SLC28A1: variants seen among roughly 807,000 people sequenced by gnomAD.
SLC28A1 encodes solute carrier family 28 member 1.
Under a neutral mutation model 74.8 loss-of-function variants are expected in SLC28A1, and 64 were observed. The observed-to-expected ratio is 0.86, with a 90% CI of 0.70 to 1.05. SLC28A1 has a LOEUF of 1.05. Ranked by LOEUF, SLC28A1 falls within the 50% of genes least tolerant of loss-of-function variation. SLC28A1 has a pLI of 0.00. For missense variants in SLC28A1, 828 were observed against 822.8 expected, an observed-to-expected ratio of 1.01 and a Z score of -0.08; for synonymous variants, 359 against 335.0, an observed-to-expected ratio of 1.07 and a Z score of -0.78.
downstream of SLC28A1, among the ~76,000 whole-genome samples, chr15:84,947,522 G>C (rs181167326): frequency 8.1e-4 from 124 of 152,300 alleles, 2 homozygotes; most frequent in East Asian, 1.5e-3. Context: ...AGTCAGTTTT[G>C]GCTGATAACA....
At chr15:84,964,711 C>A in the SLC28A1 span, among the ~76,000 whole-genome samples, 1 of 152,198 alleles carries the variant, frequency 6.6e-6, no homozygotes, top group African/African-American at 2.4e-5. Context: ...TGCTGAAGTT[C>A]TGGACATTAC....
intron 15 of SLC28A1, among the ~76,000 whole-genome samples, chr15:84,938,733 T>C (rs1972271414): frequency 6.6e-6 from 1 of 151,392 alleles, no homozygotes; most frequent in Admixed American, 6.6e-5. Context: ...TCGTGGTAAG[T>C]TCTATGAAGA....
At chr15:84,897,774 G>A (rs1055439541) in intron 6 of SLC28A1, among the ~76,000 whole-genome samples, 4 of 152,010 alleles carry the variant, frequency 2.6e-5, no homozygotes, top group African/African-American at 7.3e-5. Flanking sequence ...TCAACTACTC[G>A]TCATCCCGCC....
the SLC28A1 span, among the ~76,000 whole-genome samples, chr15:84,959,553 T>C: frequency 6.6e-6 from 1 of 152,174 alleles, no homozygotes; most frequent in East Asian, 1.9e-4. Flanking sequence ...GTTCTTTCTT[T>C]ATAATTTTGT....
At position 84,945,587 on chromosome 15, in the gene SLC28A1, C is replaced by G; in HGVS notation, c.*387C>G. The G allele has an allele frequency of 3.1e-6, 1 of 317,494 alleles. No homozygotes were observed. Among genetic ancestry groups the G allele is most frequent in the Non-Finnish European group, 6.2e-6 (1 of 162,592 alleles). 19.7% of individuals were successfully genotyped at this position (317,494 alleles called of 1,614,324 possible). ...GCACACCAAAGCCTCCTCCCCTCCC[C>G]ACTTCCTAGGCACTAGGATCTCTCT... On this transcript the variant is annotated 3_prime_UTR_variant, in exon 19 of 19. Coordinates refer to ENST00000394573, the MANE Select transcript of SLC28A1 (RefSeq NM_004213.5).
intron 6 of SLC28A1, among the ~76,000 whole-genome samples, chr15:84,897,046 G>C (rs539038495): frequency 2.6e-5 from 4 of 151,922 alleles, no homozygotes; most frequent in Admixed American, 6.6e-5. Flanking sequence ...TATGGTAATG[G>C]TTGCACAAAT....
At chr15:84,940,368 C>CAA (rs113526729) in intron 15 of SLC28A1, 1 of 151,362 alleles carries the variant, frequency 6.6e-6, no homozygotes, top group African/African-American at 2.4e-5. Context: ...TGTAACTATG[C>CAA]AAAAAAAAGG....
chr15:84,963,726 AG>A, the SLC28A1 span, among the ~76,000 whole-genome samples: 2 of 152,194 alleles, frequency 1.3e-5, no homozygotes, highest in African/African-American at 4.8e-5. Flanking sequence ...ATGCAGAGCA[AG>A]TGGGTGGTTA....
intron 15 of SLC28A1, chr15:84,938,499 T>C (rs1224235642): frequency 6.6e-6 from 1 of 152,194 alleles, no homozygotes; most frequent in Non-Finnish European, 1.5e-5. Flanking sequence ...CTGATTTTAG[T>C]ATGTATGCTG....
chr15:84,908,650 G>A (rs1291970980), intron 8 of SLC28A1, 68 bp from the exon 9 acceptor site: 15 of 1,368,834 alleles, frequency 1.1e-5, no homozygotes, highest in East Asian at 4.6e-5. Flanking sequence ...GTCTCTGGCC[G>A]CTGCTTCCTC....
intron 12 of SLC28A1, among the ~76,000 whole-genome samples, chr15:84,928,581 T>TC (rs1970834026): frequency 3.8e-5 from 1 of 26,038 alleles, no homozygotes; most frequent in Non-Finnish European, 6.4e-5. Flanking sequence ...TTTCTTTCTT[T>TC]CTTTCTTTCT....
chr15:84,926,003 C>A (rs1970467168), intron 12 of SLC28A1, among the ~76,000 whole-genome samples: 4 of 149,578 alleles, frequency 2.7e-5, no homozygotes, highest in Admixed American at 2.0e-4. Flanking sequence ...GAAGGCCTAT[C>A]AGTCTATTTA....
chr15:84,969,168 C>T, the SLC28A1 span, among the ~76,000 whole-genome samples: 4 of 152,222 alleles, frequency 2.6e-5, no homozygotes, highest in South Asian at 6.2e-4. Context: ...AGGACAGAAT[C>T]CTTCTCCTTT....
intron 9 of SLC28A1, among the ~76,000 whole-genome samples, chr15:84,915,285 C>T (rs1968926558): frequency 6.6e-6 from 1 of 152,190 alleles, no homozygotes; most frequent in Non-Finnish European, 1.5e-5. Context: ...CAGATACAAC[C>T]TGCAGCATTG....
chr15:84,895,567 C>T (rs1298070685), intron 6 of SLC28A1: 1 of 1,534,594 alleles, frequency 6.5e-7, no homozygotes. Flanking sequence ...CCTTGGACAA[C>T]AGTTTGAGAT....
chr15:84,945,489 A>C lies in SLC28A1; in HGVS notation c.*289A>C. 2.3e-6 allele frequency: 1 copy of C among 432,474 alleles called. No individual in the cohort carries two copies. The highest frequency in any genetic ancestry group is 4.3e-6 in the Non-Finnish European group (1 of 230,846). 26.8% of individuals were successfully genotyped at this position (432,474 alleles called of 1,614,324 possible). A position where few individuals can be genotyped will look rare whatever the true frequency, so the allele number is the denominator to read the frequency against. ...TCCTCCCGTTTCCCCTCCACATCCA[A>C]ACAGCACCCTGGTCCTCTCTATCCC... On this transcript the variant is annotated 3_prime_UTR_variant, in exon 19 of 19. Coordinates refer to ENST00000394573, the MANE Select transcript of SLC28A1 (RefSeq NM_004213.5).
chr15:84,937,350 C>T (rs1972055714), intron 15 of SLC28A1, among the ~76,000 whole-genome samples: 1 of 152,198 alleles, frequency 6.6e-6, no homozygotes, highest in Non-Finnish European at 1.5e-5. Flanking sequence ...CTGACTCCCA[C>T]ATGAGTCTTC....
At chr15:84,928,577 TCTTTCTTTCTTTCTTTCTTTCTTTC>T (rs1567172222) in intron 12 of SLC28A1, among the ~76,000 whole-genome samples, 1,053 of 19,194 alleles carry the variant, frequency 0.055, 194 homozygotes, top group African/African-American at 0.26. Context: ...TTTCTTTCTT[TCTTTCTTTCTTTCTTTCTTTCTTTC>T]TTTTCTTTCT....
chr15:84,909,077 T>C (rs1184118850), intron 9 of SLC28A1, among the ~76,000 whole-genome samples: 1 of 152,162 alleles, frequency 6.6e-6, no homozygotes, highest in African/African-American at 2.4e-5. Context: ...ATAGAATTAC[T>C]GAGTAGCTGA....
Sources: allele counts gnomAD v4.1 joint callset (sites outside exome capture counted in the v4.1 genomes callset), GRCh38; gene constraint gnomAD v4.1.1; transcripts MANE v1.5; gene names NCBI Gene and HGNC (gene_info 2026-07-23, HGNC 2026-07-21).